P4HA1: variants seen among roughly 807,000 people sequenced by gnomAD.
P4HA1 encodes prolyl 4-hydroxylase subunit alpha-1.
Under a neutral mutation model 72.8 loss-of-function variants are expected in P4HA1, and 24 were observed. The ratio of observed to expected loss-of-function variants is 0.33; its 90% CI spans 0.24 to 0.46. The LOEUF (loss-of-function observed/expected upper bound fraction) is 0.46, where lower values mean the gene tolerates loss of function less well. Ranked by LOEUF, P4HA1 falls within the 20% of genes least tolerant of loss-of-function variation. P4HA1 has a pLI of 1.00. For missense variants in P4HA1, 446 were observed against 640.6 expected (o/e 0.70, Z 3.28); for synonymous variants, 201 against 218.8 (o/e 0.92, Z 0.72).
chr10:73,029,470 G>T (rs1275382147), intron 10 of P4HA1, among the ~76,000 whole-genome samples: 3 of 150,620 alleles, frequency 2.0e-5, no homozygotes, highest in Admixed American at 2.0e-4. Context: ...AAAGGCATTG[G>T]TTTTTTTAGT....
chr10:73,068,378 A>G (rs1841474644), intron 5 of P4HA1, among the ~76,000 whole-genome samples: 1 of 152,204 alleles, frequency 6.6e-6, no homozygotes, highest in African/African-American at 2.4e-5. Flanking sequence ...GTAACTTAAA[A>G]AGAGGACTTT....
At chr10:73,037,973 A>T (rs1228461758) in intron 9 of P4HA1, among the ~76,000 whole-genome samples, 28 of 152,116 alleles carry the variant, frequency 1.8e-4, no homozygotes, top group Admixed American at 1.8e-3. Context: ...GATATATTTA[A>T]GGCCAGACAT....
chr10:73,030,284 G>C lies in P4HA1; in HGVS notation c.1235C>G (p.Ala412Gly), dbSNP rs1216573778. 1 of 1,535,532 alleles carries C rather than the reference G, an allele frequency of 6.5e-7. No homozygotes were observed. Among genetic ancestry groups the C allele is most frequent in the Non-Finnish European group, 8.9e-7 (1 of 1,123,610 alleles). ...QDLTGLDVST[A>G]EELQVANYGV... ...GTGATTACCTACCTGTAATTCCTCT[G>C]CTGTGGAAACATCTAGTCCTGTTAG... The change falls in exon 10 of 15, where the codon GCA (alanine) becomes GGA (glycine). Residue 412 changes from alanine to glycine, a missense_variant. Coordinates refer to ENST00000394890, the MANE Select transcript of P4HA1 (RefSeq NM_001017962.3).
intron 5 of P4HA1, 115 bp downstream of exon 5, chr10:73,068,731 C>G: frequency 2.3e-6 from 2 of 860,980 alleles, no homozygotes; most frequent in Non-Finnish European, 1.8e-6. Context: ...GGCTATGAAA[C>G]AAACTACAAT....
chr10:73,010,828 A>T (rs1427063385), intron 13 of P4HA1, 141 bp downstream of exon 13: 4 of 633,210 alleles, frequency 6.3e-6, no homozygotes, highest in Non-Finnish European at 1.1e-5. Context: ...GCTGGGCTCC[A>T]GCCTGGGCAA....
Position 73,034,154 on chromosome 10 carries a change from C to A in P4HA1, c.1149-3784G>T, listed in dbSNP as rs531059870. Among the ~76,000 whole-genome samples the A allele has an allele frequency of 1.2e-4, 19 of 152,240 alleles. No homozygotes were observed. In the East Asian group the frequency reaches 3.5e-3, roughly 28 times the overall value. ...ACTTAAGCCCAGGAGTTCAAGGATG[C>A]AGGGAGCTACAATCACACCACTGCA... is the stretch of plus-strand genomic sequence containing the variant. On this transcript the variant is annotated intron_variant, in intron 9 of 14. Transcript: ENST00000394890.
intron 5 of P4HA1, among the ~76,000 whole-genome samples, chr10:73,067,207 G>C (rs1049202601): frequency 6.6e-6 from 1 of 152,086 alleles, no homozygotes; most frequent in Admixed American, 6.5e-5. Flanking sequence ...GATGAAGCCA[G>C]AAATTCCTAT....
intron 7 of P4HA1, 29 bp downstream of exon 7, chr10:73,051,024 C>A: frequency 6.6e-7 from 1 of 1,518,382 alleles, no homozygotes; most frequent in South Asian, 1.1e-5. Context: ...CACACATTCA[C>A]ATACACACAA....
chr10:73,072,019 T>G lies in P4HA1; in HGVS notation c.325+10A>C, dbSNP rs1841575850. Reference sequence around the variant, plus strand: ...AATATTACCTTACTCAGGAATCTCTTCAGACTTACCATCTGACATATCCTT... The same window carrying G: ...AATATTACCTTACTCAGGAATCTCTGCAGACTTACCATCTGACATATCCTT... On this transcript the variant is annotated intron_variant, in intron 4 of 14. Coordinates refer to ENST00000394890, the MANE Select transcript of P4HA1 (RefSeq NM_001017962.3). 2.5e-6 allele frequency: 4 copies of G among 1,601,380 alleles called. No homozygotes were observed. Among genetic ancestry groups the G allele is most frequent in the Non-Finnish European group, 2.6e-6 (3 of 1,170,746 alleles).
At chr10:73,019,756 T>G (rs1199474710) in intron 10 of P4HA1, among the ~76,000 whole-genome samples, 1 of 49,294 alleles carries the variant, frequency 2.0e-5, no homozygotes, top group Non-Finnish European at 4.1e-5. Context: ...AAGAATTCAA[T>G]GAATGAAATT....
chr10:73,036,232 GT>G (rs1447746378), intron 9 of P4HA1, among the ~76,000 whole-genome samples: 3 of 151,056 alleles, frequency 2.0e-5, no homozygotes, highest in African/African-American at 7.3e-5. Flanking sequence ...AGGCTTAGCA[GT>G]TAAAACCAAT....
chr10:73,039,835 A>C (rs945141852), intron 9 of P4HA1, among the ~76,000 whole-genome samples: 4 of 140,792 alleles, frequency 2.8e-5, no homozygotes, highest in Non-Finnish European at 6.2e-5. Flanking sequence ...ATTTTCTTCC[A>C]TTTGGCAACT....
chr10:73,073,522 G>C, intron 3 of P4HA1, among the ~76,000 whole-genome samples: 1 of 152,220 alleles, frequency 6.6e-6, no homozygotes, highest in Admixed American at 6.5e-5. Flanking sequence ...CATCCGGCTG[G>C]TATCTATCCA....
At chr10:73,076,827 G>C (rs564507557) in intron 1 of P4HA1, among the ~76,000 whole-genome samples, 1 of 152,214 alleles carries the variant, frequency 6.6e-6, no homozygotes, top group African/African-American at 2.4e-5. Flanking sequence ...TCTTTGTGCA[G>C]GCCCCTCTGA....
intron 1 of P4HA1, among the ~76,000 whole-genome samples, chr10:73,092,696 A>T (rs1369059842): frequency 1.3e-5 from 2 of 151,632 alleles, no homozygotes; most frequent in Non-Finnish European, 2.9e-5. Context: ...AAAAAAATTT[A>T]AATATAAATT....
chr10:73,064,797 G>A (rs1483499239), intron 5 of P4HA1, among the ~76,000 whole-genome samples: 3 of 152,022 alleles, frequency 2.0e-5, no homozygotes, highest in Admixed American at 1.3e-4. Flanking sequence ...GCCGAGCTGC[G>A]CCACTGCACT....
chr10:73,075,156 G>A (rs1346601974), intron 1 of P4HA1, among the ~76,000 whole-genome samples: 1 of 152,094 alleles, frequency 6.6e-6, no homozygotes, highest in Non-Finnish European at 1.5e-5. Flanking sequence ...CGCCCAGGCT[G>A]GAGTGCCATG....
intron 5 of P4HA1, among the ~76,000 whole-genome samples, chr10:73,061,183 T>A (rs1421984698): frequency 6.6e-6 from 1 of 152,138 alleles, no homozygotes; most frequent in Admixed American, 6.5e-5. Context: ...TCAATCAGCA[T>A]CATAAAAAGT....
At position 73,037,569 on chromosome 10, in the gene P4HA1, ATAT is replaced by A. The variant is rs1435565355; in HGVS notation, c.1149-7202_1149-7200del. On this transcript the variant is annotated intron_variant, in intron 9 of 14. Coordinates refer to ENST00000394890, the MANE Select transcript of P4HA1 (RefSeq NM_001017962.3). ...TATATATATATATATATATATATAT[ATAT>A]TTTTTTTTTTTTTTTTTTACAAAGG... Among the ~76,000 whole-genome samples the A allele has an allele frequency of 3.2e-3, 85 of 26,718 alleles. 1 individual carries two copies. The highest frequency in any genetic ancestry group is 5.2e-3 in the East Asian group (3 of 576). 17.5% of individuals were successfully genotyped at this position (26,718 alleles called of 152,430 possible).
Sources: gnomAD v4.1 joint callset for allele counts (sites outside exome capture counted in the v4.1 genomes callset) on GRCh38, gnomAD v4.1.1 for gene constraint, MANE v1.5 for transcripts, NCBI Gene and HGNC (gene_info 2026-07-23, HGNC 2026-07-21) for gene names.